The following UGT1A4 variants were observed in gnomAD, a reference collection of about 807,000 sequenced individuals.
The protein encoded by UGT1A4 is UDP glucuronosyltransferase family 1 member A4.
Under a neutral mutation model 41.1 loss-of-function variants are expected in UGT1A4, and 32 were observed. That is an observed-to-expected ratio of 0.78 (90% CI 0.59 to 1.05). The LOEUF is 1.05. Ranked by LOEUF, UGT1A4 falls within the 50% of genes least tolerant of loss-of-function variation. UGT1A4 has a pLI of 0.00. For synonymous variants in UGT1A4, 283 were observed against 265.1 expected (o/e 1.07, Z -0.66); for missense variants, 748 against 677.4 (o/e 1.10, Z -1.16).
chr2:233,752,437 T>C (rs973405993), intron 1 of UGT1A4: 4 of 152,200 alleles, frequency 2.6e-5, no homozygotes, highest in African/African-American at 9.7e-5. Context: ...CGAACCCTTT[T>C]ATAAAAGATG....
At chr2:233,721,420 A>G (rs2076943855) in intron 1 of UGT1A4, 1 of 156,132 alleles carries the variant, frequency 6.4e-6, no homozygotes, top group Admixed American at 6.5e-5. Context: ...AGGTACCCTA[A>G]GCATTGTGGT....
At chr2:233,755,786 A>T (rs1696022077) in intron 1 of UGT1A4, 1 of 152,524 alleles carries the variant, frequency 6.6e-6, no homozygotes, top group Non-Finnish European at 1.5e-5. Flanking sequence ...TGCCTATCAT[A>T]TGTACTGCAT....
At chr2:233,755,299 T>C (rs1695851428) in intron 1 of UGT1A4, 2 of 613,704 alleles carry the variant, frequency 3.3e-6, no homozygotes, top group South Asian at 1.7e-5. Flanking sequence ...TGCGGGGCAC[T>C]GGCACAGCGA....
chr2:233,732,301 C>A (rs2078258261), intron 1 of UGT1A4, among the ~76,000 whole-genome samples: 1 of 152,184 alleles, frequency 6.6e-6, no homozygotes, highest in South Asian at 2.1e-4. Flanking sequence ...TTAATTAGAT[C>A]CCATTTGTCT....
intron 1 of UGT1A4, among the ~76,000 whole-genome samples, chr2:233,728,457 A>G (rs1261555975): frequency 6.6e-6 from 1 of 152,148 alleles, no homozygotes; most frequent in African/African-American, 2.4e-5. Context: ...TCCTCAACAA[A>G]GTCTTCCCAA....
rs1393468196 is a variant in UGT1A4 at position 233,724,983 on chromosome 2, G to A, written c.867+5296G>A. Among the ~76,000 whole-genome samples, 3 of 134,836 alleles carry A rather than the reference G, an allele frequency of 2.2e-5. 1 individual carries two copies. The highest frequency in any genetic ancestry group is 9.1e-5 in the African/African-American group (3 of 32,964). The allele number at this position is 134,836 out of a possible 152,430, so 88.5% of individuals were successfully genotyped here. A position where few individuals can be genotyped will look rare whatever the true frequency, so the allele number is the denominator to read the frequency against. On this transcript the variant is annotated intron_variant, in intron 1 of 4. Transcript: ENST00000373409. ...AGGCCGAGGTTGGCGGATCACTCGC[G>A]GTTAGGGGCTGGAGACCGGCCCGGC...
intron 1 of UGT1A4, chr2:233,730,082 T>C (rs1479796808): frequency 2.1e-5 from 33 of 1,603,816 alleles, no homozygotes; most frequent in Non-Finnish European, 2.4e-5. Flanking sequence ...CCATATTTAC[T>C]TATCTTTCCA....
chr2:233,729,563 T>C (rs1575582570), intron 1 of UGT1A4: 2 of 1,614,156 alleles, frequency 1.2e-6, no homozygotes, highest in South Asian at 1.1e-5. Flanking sequence ...GCTACTTCCT[T>C]TGATGTGGTT....
rs1469426427 is a variant in UGT1A4, at chr2:233,723,650, T to C, written c.867+3963T>C. Among the ~76,000 whole-genome samples, 5 of 102,194 alleles carry C rather than the reference T, an allele frequency of 4.9e-5. 1 individual carries two copies. Among genetic ancestry groups the C allele is most frequent in the African/African-American group, 1.4e-4 (3 of 21,894 alleles). 67.0% of individuals were successfully genotyped at this position (102,194 alleles called of 152,430 possible). A position where few individuals can be genotyped will look rare whatever the true frequency, so the allele number is the denominator to read the frequency against. On this transcript the variant is annotated intron_variant, in intron 1 of 4. Coordinates refer to ENST00000373409, the MANE Select transcript of UGT1A4 (RefSeq NM_007120.3). ...AGATAAACAAGTGAACAAAGGTCTC[T>C]GGTTTTCCCAGGCAGAGGACCCTGC...
intron 1 of UGT1A4, chr2:233,760,576 CATA>C: frequency 6.2e-7 from 1 of 1,614,196 alleles, no homozygotes; most frequent in Non-Finnish European, 8.5e-7. Flanking sequence ...TAGTCTCGGG[CATA>C]ATGTTTTTGA....
chr2:233,744,064 T>G, intron 1 of UGT1A4: 1 of 560,044 alleles, frequency 1.8e-6, no homozygotes, highest in Non-Finnish European at 2.7e-6. Context: ...TCGAGGCCTA[T>G]GAGCGCCTCG....
In UGT1A4 at chr2:233,755,028, C is replaced by T; in HGVS notation, c.868-12006C>T. 4 of 1,311,690 alleles carry T rather than the reference C, an allele frequency of 3.0e-6. 1 individual carries two copies. In the South Asian group the frequency reaches 4.6e-5, roughly 15 times the overall value. 81.3% of individuals were successfully genotyped at this position (1,311,690 alleles called of 1,614,324 possible). On this transcript the variant is annotated intron_variant, in intron 1 of 4. Transcript: ENST00000373409. ...CTACTCGAAGGGGTCCTTGAAGGGC[C>T]TGCCGCCTGCGCAGCCGCCCTCCGC...
At chr2:233,743,431 C>T (rs755334550) in intron 1 of UGT1A4, 17 of 1,354,320 alleles carry the variant, frequency 1.3e-5, no homozygotes, top group African/African-American at 1.5e-5. Context: ...GCCAAAGGAA[C>T]GAAATCCTGT....
chr2:233,747,970 C>G, intron 1 of UGT1A4: 5 of 1,613,476 alleles, frequency 3.1e-6, no homozygotes, highest in Non-Finnish European at 4.2e-6. Flanking sequence ...AGCCATGCAT[C>G]TGTGTGGCTG....
chr2:233,739,559 G>T (rs1322307786), intron 1 of UGT1A4, among the ~76,000 whole-genome samples: 1 of 152,224 alleles, frequency 6.6e-6, no homozygotes, highest in Non-Finnish European at 1.5e-5. Flanking sequence ...TTTAATGACT[G>T]CCCTGCCTGG....
Position 233,755,090 on chromosome 2 carries a change from C to G in UGT1A4, c.868-11944C>G, listed in dbSNP as rs778198655. On this transcript the variant is annotated intron_variant, in intron 1 of 4. Transcript: ENST00000373409. ...CATAGCGGTCATAGATATCGCGTTT[C>G]TACGCGTCCGACAACACCTCGTAGG... 4 of 1,336,104 alleles carry G rather than the reference C, an allele frequency of 3.0e-6. No homozygotes were observed. The South Asian group carries it at 4.6e-5, about 15-fold the overall frequency. The allele number at this position is 1,336,104 out of a possible 1,614,324, so 82.8% of individuals were successfully genotyped here. A position where few individuals can be genotyped will look rare whatever the true frequency, so the allele number is the denominator to read the frequency against.
At chr2:233,724,223 C>T (rs2077191141) in intron 1 of UGT1A4, among the ~76,000 whole-genome samples, 1 of 128,414 alleles carries the variant, frequency 7.8e-6, no homozygotes, top group Admixed American at 7.3e-5. Flanking sequence ...CCTCACTTCC[C>T]AGTAGGGGCG....
At chr2:233,754,577 C>T (rs1133490) in intron 1 of UGT1A4, 2 of 424,484 alleles carry the variant, frequency 4.7e-6, no homozygotes, top group Non-Finnish European at 9.4e-6. Context: ...TGCTCTATGC[C>T]GTTTATTATG....
intron 1 of UGT1A4, among the ~76,000 whole-genome samples, chr2:233,734,195 T>C (rs2078497247): frequency 6.6e-6 from 1 of 152,310 alleles, no homozygotes; most frequent in African/African-American, 2.4e-5. Context: ...ATTGCCTCAA[T>C]TTCAGAGCCT....
Sources: allele counts gnomAD v4.1 joint callset (sites outside exome capture counted in the v4.1 genomes callset), GRCh38; gene constraint gnomAD v4.1.1; transcripts MANE v1.5; gene names NCBI Gene and HGNC (gene_info 2026-07-23, HGNC 2026-07-21).